PGD: variants seen among roughly 807,000 people sequenced by gnomAD.
PGD encodes the protein 6-phosphogluconate dehydrogenase, decarboxylating.
In PGD, 21 loss-of-function variants were observed where a neutral mutation model predicts 60.4. That is an observed-to-expected ratio of 0.35 (90% CI 0.25 to 0.50). PGD has a LOEUF of 0.50. Among genes scored for constraint, PGD ranks in the 20% least tolerant of loss-of-function variants. The pLI is 0.98. For missense variants in PGD, 477 were observed against 613.1 expected (o/e 0.78, Z 2.34); for synonymous variants, 230 against 235.9 (o/e 0.97, Z 0.23).
intron 5 of PGD, 109 bp from the exon 6 acceptor site, chr1:10,407,962 A>T (rs76522364): frequency 4.2e-6 from 3 of 721,788 alleles, no homozygotes; most frequent in Non-Finnish European, 7.4e-6. Flanking sequence ...AAAAAAAAAA[A>T]AGAAAGGAAA....
rs752043693 is a variant in PGD at position 10,417,113 on chromosome 1, G to A, written c.971G>A (p.Arg324Gln). 18 of 1,613,870 alleles carry A rather than the reference G, an allele frequency of 1.1e-5. No individual in the cohort carries two copies. The highest frequency in any genetic ancestry group is 3.3e-4 in the Middle Eastern group (2 of 6,082). ...AAGAAATCATTCCTGGAGGACATTC[G>A]GAAGGTGGGACACAGTCCCTGGCAG... ...GDKKSFLEDI[R>Q]KALYASKIIS... Residue 324 changes from arginine to glutamine, a missense_variant, in exon 9 of 13, where the codon CGG becomes CAG. Around this residue, in one of 3 missense-constraint regions of PGD, gnomAD observed 431 missense variants for 556.6 expected, o/e 0.77. Transcript: ENST00000270776.
chr1:10,409,130 T>G (rs1214001201), intron 6 of PGD, among the ~76,000 whole-genome samples: 1 of 152,236 alleles, frequency 6.6e-6, no homozygotes, highest in Non-Finnish European at 1.5e-5. Context: ...AGCTCCTGAT[T>G]CCCTTTAATT....
chr1:10,418,852 C>G lies in PGD; in HGVS notation c.1136C>G (p.Ala379Gly). ...RSVFLGKIKDAFDRNPELQNL... is the reference protein window; with the variant it reads ...RSVFLGKIKDGFDRNPELQNL... ...GTATTCCTAGGAAAGATAAAGGATG[C>G]ATTTGATCGAAACCCGGAACTTCAG... Residue 379 changes from alanine (A) to glycine (G), a missense_variant, in exon 11 of 13, where the codon GCA (alanine) becomes GGA (glycine). Ala to Gly is a moderately conservative substitution (Grantham distance 60). Around this residue, in one of 3 missense-constraint regions of PGD, gnomAD observed 431 missense variants for 556.6 expected, o/e 0.77. Coordinates refer to ENST00000270776, the MANE Select transcript of PGD (RefSeq NM_002631.4). 1.2e-6 allele frequency: 2 copies of G among 1,604,180 alleles called. No homozygotes were observed. The highest frequency in any genetic ancestry group is 1.7e-6 in the Non-Finnish European group (2 of 1,171,424).
rs367589034 is a variant in PGD, at chr1:10,417,442, G to A, written c.1042G>A (p.Glu348Lys). ...TATGCTGCTAAGGCAGGCAGCCACC[G>A]AGTTTGGCTGGACTCTCAATTATGG... The part of the protein sequence containing the change: ...GFMLLRQAAT[E>K]FGWTLNYGGI... The change falls in exon 10 of 13, where the codon GAG (glutamate) becomes AAG (lysine). Residue 348 changes from glutamate to lysine, a missense_variant. By Grantham distance (56) the Glu-to-Lys change is moderately conservative. Around this residue, in one of 3 missense-constraint regions of PGD, gnomAD observed 431 missense variants for 556.6 expected, o/e 0.77. Coordinates refer to ENST00000270776, the MANE Select transcript of PGD (RefSeq NM_002631.4). 1.2e-5 allele frequency: 20 copies of A among 1,613,754 alleles called. No individual in the cohort carries two copies. The highest frequency in any genetic ancestry group is 4.5e-5 in the East Asian group (2 of 44,894).
Position 10,417,023 on chromosome 1 carries a change from A to G in PGD, c.881A>G (p.Lys294Arg). Residue 294 changes from lysine to arginine, a missense_variant, in exon 9 of 13, where the codon AAG becomes AGG. Around this residue, in one of 3 missense-constraint regions of PGD, gnomAD observed 431 missense variants for 556.6 expected, o/e 0.77. Transcript: ENST00000270776. ...AVFARCLSSLKDERIQASKKL... is the reference protein window; with the variant it reads ...AVFARCLSSLRDERIQASKKL... Reference sequence around the variant, plus strand: ...TTTGCTCGGTGCTTATCATCTCTGAAGGATGAGAGAATTCAAGCTAGCAAA... The same window carrying G: ...TTTGCTCGGTGCTTATCATCTCTGAGGGATGAGAGAATTCAAGCTAGCAAA... 1 of 1,613,802 alleles carries G rather than the reference A, an allele frequency of 6.2e-7. No individual in the cohort carries two copies. Among genetic ancestry groups the G allele is most frequent in the South Asian group, 1.1e-5 (1 of 91,080 alleles).
At chr1:10,414,569 G>A (rs967730289) in intron 8 of PGD, among the ~76,000 whole-genome samples, 2 of 151,816 alleles carry the variant, frequency 1.3e-5, no homozygotes, top group African/African-American at 2.4e-5. Flanking sequence ...TGGAGACGGG[G>A]TTTTACCATA....
intron 7 of PGD, chr1:10,412,790 A>C: frequency 2.8e-6 from 1 of 359,942 alleles, no homozygotes. Flanking sequence ...AGGAGGCGAC[A>C]CTGCACAGAG....
At chr1:10,403,013 T>C (rs1368460374) in intron 3 of PGD, 58 bp from the exon 4 acceptor site, 3 of 1,103,034 alleles carry the variant, frequency 2.7e-6, no homozygotes, top group African/African-American at 3.1e-5. Flanking sequence ...TTGTTTGTTT[T>C]AATTTGCCAA....
At chr1:10,409,909 G>A (rs1639470864) in intron 6 of PGD, among the ~76,000 whole-genome samples, 1 of 151,992 alleles carries the variant, frequency 6.6e-6, no homozygotes, top group Non-Finnish European at 1.5e-5. Flanking sequence ...GCCCACCTTG[G>A]CCTCCCAAAG....
chr1:10,405,425 C>CACACACACACACATACACACAT (rs548786254), intron 5 of PGD, among the ~76,000 whole-genome samples: 1 of 149,456 alleles, frequency 6.7e-6, no homozygotes, highest in Non-Finnish European at 1.5e-5. Flanking sequence ...CACACACACA[C>CACACACACACACATACACACAT]ATATATATAA....
intron 6 of PGD, among the ~76,000 whole-genome samples, chr1:10,410,847 T>C (rs1639487596): frequency 6.7e-6 from 1 of 149,246 alleles, no homozygotes; most frequent in Non-Finnish European, 1.5e-5. Context: ...TCTTTATTTA[T>C]AAATATAAAT....
chr1:10,399,307 C>T (rs570979781), intron 1 of PGD, among the ~76,000 whole-genome samples, 182 bp downstream of exon 1: 2 of 152,354 alleles, frequency 1.3e-5, no homozygotes, highest in African/African-American at 2.4e-5. Context: ...GCGGGCCCGG[C>T]CCCCTGCCCT....
In PGD at chr1:10,420,389, CTTTTTTT is replaced by C. The variant is rs70997229; in HGVS notation, c.*658_*664del. ...CACTGTAACGTGCTTTTTCTTTCGTCTTTTTTTTTTTTTTTTTTTTTTTTGCTCCTGG... is the reference window on the plus strand; with the variant it reads ...CACTGTAACGTGCTTTTTCTTTCGTCTTTTTTTTTTTTTTTTTGCTCCTGG... On this transcript the variant is annotated 3_prime_UTR_variant, in exon 13 of 13. Transcript: ENST00000270776. Among the ~76,000 whole-genome samples the C allele has an allele frequency of 1.3e-5, 1 of 75,056 alleles. No individual in the cohort carries two copies. The allele number at this position is 75,056 out of a possible 152,430, so 49.2% of individuals were successfully genotyped here. A position where few individuals can be genotyped will look rare whatever the true frequency, so the allele number is the denominator to read the frequency against.
intron 11 of PGD, 145 bp from the exon 12 acceptor site, chr1:10,419,272 C>T: frequency 9.1e-7 from 1 of 1,093,654 alleles, no homozygotes. Flanking sequence ...CCACCTCAGC[C>T]TTCCAAAGTG....
chr1:10,404,189 G>A lies in PGD; in HGVS notation c.359G>A (p.Gly120Glu). The change falls in exon 5 of 13, where the codon GGA becomes GAA. Residue 120 changes from glycine to glutamate, a missense_variant. Around this residue, in one of 3 missense-constraint regions of PGD, gnomAD observed 431 missense variants for 556.6 expected, o/e 0.77. Transcript: ENST00000270776. ...TRRCRDLKAK[G>E]ILFVGSGVSG... ...CGGTGCCGAGACCTCAAGGCCAAGG[G>A]AATTTTATTTGTGGGGAGCGGAGTC... 3.1e-6 allele frequency: 5 copies of A among 1,613,816 alleles called. No individual in the cohort carries two copies. Among genetic ancestry groups the A allele is most frequent in the Non-Finnish European group, 4.2e-6 (5 of 1,179,856 alleles).
intron 6 of PGD, among the ~76,000 whole-genome samples, chr1:10,408,370 A>G (rs762043898): frequency 2.0e-5 from 3 of 152,216 alleles, no homozygotes; most frequent in Non-Finnish European, 2.9e-5. Flanking sequence ...GCAGCCTTCT[A>G]TAATTCATCT....
intron 6 of PGD, among the ~76,000 whole-genome samples, chr1:10,409,384 A>G (rs1243230072): frequency 6.6e-6 from 1 of 152,144 alleles, no homozygotes; most frequent in Non-Finnish European, 1.5e-5. Flanking sequence ...GGACTGACGT[A>G]AAGAGCTGAG....
chr1:10,413,274 G>T (rs778287826), intron 8 of PGD, 23 bp downstream of exon 8: 6 of 1,602,036 alleles, frequency 3.7e-6, no homozygotes, highest in Non-Finnish European at 5.1e-6. Flanking sequence ...TTTTCACATG[G>T]GCCCTTTCGT....
Position 10,400,378 on chromosome 1 carries a change from CT to C in PGD, c.85-11del. ...TGTGTCCTGGATCTCCTACTCAGGA[CT>C]TTTGTCCTTCTAGGTCTGTGCTTTT... On this transcript the variant is annotated splice_polypyrimidine_tract_variant and intron_variant, in intron 2 of 12. Transcript: ENST00000270776. The C allele has an allele frequency of 1.9e-6, 3 of 1,599,208 alleles. No homozygotes were observed. Among genetic ancestry groups the C allele is most frequent in the Non-Finnish European group, 2.6e-6 (3 of 1,169,376 alleles).
Sources: gnomAD v4.1 joint callset for allele counts (sites outside exome capture counted in the v4.1 genomes callset) on GRCh38, gnomAD v4.1.1 for gene constraint, gnomAD v4.1.1 regional missense constraint, MANE v1.5 for transcripts, NCBI Gene and HGNC (gene_info 2026-07-23, HGNC 2026-07-21) for gene names.